Variants in RIGI observed in about 807,000 individuals in gnomAD.
RIGI encodes antiviral innate immune response receptor RIG-I.
chr9:32,476,998 G>A, the RIGI span: 1 of 1,613,604 alleles, frequency 6.2e-7, no homozygotes, highest in Non-Finnish European at 8.5e-7. Flanking sequence ...CAAGTGCTCT[G>A]GTTTTCACAA....
At chr9:32,467,904 T>C in the RIGI span, 1 of 1,609,694 alleles carries the variant, frequency 6.2e-7, no homozygotes, top group Non-Finnish European at 8.5e-7. Flanking sequence ...ATGCATCCAA[T>C]ATACACTTCT....
the RIGI span, among the ~76,000 whole-genome samples, chr9:32,515,783 C>G: frequency 6.6e-6 from 1 of 152,198 alleles, no homozygotes; most frequent in African/African-American, 2.4e-5. Flanking sequence ...AGTAAGGGAA[C>G]GTTTTTTTAG....
chr9:32,509,825 A>G, the RIGI span, among the ~76,000 whole-genome samples: 1 of 152,056 alleles, frequency 6.6e-6, no homozygotes, highest in African/African-American at 2.4e-5. Flanking sequence ...CAATGCAAGG[A>G]AGCTACAAAC....
At chr9:32,457,962 A>T in the RIGI span, among the ~76,000 whole-genome samples, 1 of 152,246 alleles carries the variant, frequency 6.6e-6, no homozygotes, top group Admixed American at 6.5e-5. Flanking sequence ...GGCCATTTTT[A>T]GTAGAACAAT....
At chr9:32,525,640 C>A in the RIGI span, among the ~76,000 whole-genome samples, 9 of 152,292 alleles carry the variant, frequency 5.9e-5, no homozygotes, top group African/African-American at 9.6e-5. Flanking sequence ...AAGCTCAGAC[C>A]GCACTTTGTG....
the RIGI span, among the ~76,000 whole-genome samples, chr9:32,502,267 T>C: frequency 7.9e-5 from 12 of 152,246 alleles, no homozygotes; most frequent in Non-Finnish European, 1.8e-4. Context: ...CAGTGGGCAT[T>C]TGATTTGTGT....
At chr9:32,489,969 T>A in the RIGI span, among the ~76,000 whole-genome samples, 2 of 152,232 alleles carry the variant, frequency 1.3e-5, no homozygotes, top group African/African-American at 4.8e-5. Context: ...CAGGTAGGCA[T>A]ATAAATCATT....
At chr9:32,499,954 T>C in the RIGI span, among the ~76,000 whole-genome samples, 1 of 152,216 alleles carries the variant, frequency 6.6e-6, no homozygotes, top group Non-Finnish European at 1.5e-5. Flanking sequence ...ATTCTGTTTA[T>C]AAATGCTATT....
At chr9:32,472,220 A>T in the RIGI span, among the ~76,000 whole-genome samples, 1 of 152,196 alleles carries the variant, frequency 6.6e-6, no homozygotes, top group African/African-American at 2.4e-5. Context: ...AATAAAACAG[A>T]AATAGAACAT....
the RIGI span, among the ~76,000 whole-genome samples, chr9:32,460,721 A>C: frequency 6.6e-6 from 1 of 152,172 alleles, no homozygotes; most frequent in Non-Finnish European, 1.5e-5. Context: ...GAGTCAGTGA[A>C]CTGAAAGAAC....
the RIGI span, among the ~76,000 whole-genome samples, chr9:32,481,860 C>T: frequency 6.6e-6 from 1 of 152,366 alleles, no homozygotes; most frequent in East Asian, 1.9e-4. Flanking sequence ...GCTGGGATTA[C>T]AGGCGTGAGC....
the RIGI span, among the ~76,000 whole-genome samples, chr9:32,515,540 T>A: frequency 3.9e-5 from 6 of 152,216 alleles, no homozygotes; most frequent in Non-Finnish European, 7.3e-5. Context: ...AACCAAATTG[T>A]ATAGACTGGA....
chr9:32,492,892 T>A, the RIGI span, among the ~76,000 whole-genome samples: 43 of 151,398 alleles, frequency 2.8e-4, no homozygotes, highest in African/African-American at 9.8e-4. Flanking sequence ...TAACAAAATA[T>A]TAACAAATTT....
chr9:32,491,351 T>C, the RIGI span: 1 of 1,613,432 alleles, frequency 6.2e-7, no homozygotes, highest in Non-Finnish European at 8.5e-7. Context: ...TGGATCTTCT[T>C]GGTAGAAAAT....
the RIGI span, among the ~76,000 whole-genome samples, chr9:32,517,028 A>G: frequency 7.9e-5 from 12 of 152,240 alleles, no homozygotes; most frequent in Non-Finnish European, 1.2e-4. Context: ...GTTTGCCCCA[A>G]TATTCTTTGG....
At chr9:32,473,938 G>T in the RIGI span, among the ~76,000 whole-genome samples, 1 of 152,208 alleles carries the variant, frequency 6.6e-6, no homozygotes, top group Admixed American at 6.5e-5. Context: ...TGAGGCAAGA[G>T]AATCGCTTGA....
the RIGI span, among the ~76,000 whole-genome samples, chr9:32,521,050 C>G: frequency 1.4e-5 from 2 of 142,702 alleles, no homozygotes; most frequent in African/African-American, 5.3e-5. Context: ...GAGGTTGAGG[C>G]AGGAGAATTG....
At chr9:32,466,449 A>G in the RIGI span, 1 of 1,590,142 alleles carries the variant, frequency 6.3e-7, no homozygotes, top group Non-Finnish European at 8.5e-7. Context: ...TGCCTATTAG[A>G]AAATAAATAT....
the RIGI span, among the ~76,000 whole-genome samples, chr9:32,464,311 G>A: frequency 6.6e-6 from 1 of 152,064 alleles, no homozygotes; most frequent in Non-Finnish European, 1.5e-5. Context: ...CAAAAGGGGG[G>A]CTCACCCCTA....
Sources: allele counts gnomAD v4.1 joint callset (sites outside exome capture counted in the v4.1 genomes callset), GRCh38; gene constraint gnomAD v4.1.1; transcripts MANE v1.5; gene names NCBI Gene and HGNC (gene_info 2026-07-23, HGNC 2026-07-21).